The following NMRK2 variants were observed in gnomAD, a reference collection of about 807,000 sequenced individuals.
The protein encoded by NMRK2 is nicotinamide riboside kinase 2.
A neutral mutation model predicts 24.7 loss-of-function variants in NMRK2; 34 were observed. That is an observed-to-expected ratio of 1.37 (90% CI 1.05 to 1.83). NMRK2 has a LOEUF of 1.83. NMRK2 is among the 40% of genes most tolerant of loss of function. The probability of loss-of-function intolerance (pLI) is 0.00; values close to 1 mark genes in which losing one functional copy is unlikely to be tolerated. For synonymous variants in NMRK2, 145 were observed against 125.6 expected, an observed-to-expected ratio of 1.15 and a Z score of -1.03; for missense variants, 341 against 315.0, an observed-to-expected ratio of 1.08 and a Z score of -0.62.
intron 6 of NMRK2, 133 bp downstream of exon 6, chr19:3,940,104 C>A: frequency 1.3e-6 from 1 of 754,114 alleles, no homozygotes; most frequent in East Asian, 2.8e-5. Context: ...CCCAGCACTT[C>A]CGGAGGCTGA....
chr19:3,937,153 C>T lies in NMRK2; in HGVS notation c.118-87C>T, dbSNP rs528069642. 8.7e-5 allele frequency: 119 copies of T among 1,371,558 alleles called. No homozygotes were observed. In the South Asian group the frequency reaches 1.3e-3, roughly 15 times the overall value. The allele number at this position is 1,371,558 out of a possible 1,614,324, so 85.0% of individuals were successfully genotyped here. On this transcript the variant is annotated intron_variant, in intron 3 of 7. Transcript: ENST00000168977. ...GCCTCAGGGACCTCAGCAGCTCCAG[C>T]AAGGGACCCCCTAAGACTCCATCAC...
Position 3,936,008 on chromosome 19 carries a change from C to T in NMRK2, c.27-567C>T, listed in dbSNP as rs576175932. Among the ~76,000 whole-genome samples, 251 of 152,144 alleles carry T rather than the reference C, an allele frequency of 1.6e-3. 1 individual carries two copies. Among genetic ancestry groups the T allele is most frequent in the South Asian group, 4.4e-3 (21 of 4,826 alleles). On this transcript the variant is annotated intron_variant, in intron 2 of 7. Transcript: ENST00000168977. ...GGCGGATCACCAGAGGTTAGGAGTT[C>T]GAGACCAGCCTGGCCGACATGGCAA...
At position 3,938,844 on chromosome 19, in the gene NMRK2, GTTTTGTTTTT is replaced by G. The variant is rs2039273470; in HGVS notation, c.323+90_323+99del. On this transcript the variant is annotated intron_variant, in intron 5 of 7. Transcript: ENST00000168977. ...CTTGTTTTTTTTTTTTTTTTTTTTT[GTTTTGTTTTT>G]TTTTTTTTTTGAGACAAGAGTTTTG... 9.7e-5 allele frequency: 17 copies of G among 174,630 alleles called. 1 individual carries two copies. Among genetic ancestry groups the G allele is most frequent in the African/African-American group, 9.0e-4 (17 of 18,790 alleles). The allele number at this position is 174,630 out of a possible 1,614,324, so 10.8% of individuals were successfully genotyped here.
chr19:3,938,833 T>TG lies in NMRK2; in HGVS notation c.323+74_323+75insG, dbSNP rs2039270569. On this transcript the variant is annotated intron_variant, in intron 5 of 7. Transcript: ENST00000168977. ...TATAGCCATCTCTTGTTTTTTTTTTTTTTTTTTTTTGTTTTGTTTTTTTTT... is the reference window on the plus strand; with the variant it reads ...TATAGCCATCTCTTGTTTTTTTTTTTGTTTTTTTTTTGTTTTGTTTTTTTTT... 41 of 605,814 alleles carry TG rather than the reference T, an allele frequency of 6.8e-5. No homozygotes were observed. The South Asian group carries it at 7.2e-4, about 11-fold the overall frequency. 37.5% of individuals were successfully genotyped at this position (605,814 alleles called of 1,614,324 possible).
At chr19:3,938,493 G>T in intron 4 of NMRK2, 110 bp from the exon 5 acceptor site, 1 of 827,262 alleles carries the variant, frequency 1.2e-6, no homozygotes, top group South Asian at 2.9e-5. Context: ...CTCCTGCAAT[G>T]CCCGCTCCCC....
Position 3,938,702 on chromosome 19 carries a change from C to T in NMRK2, c.266C>T (p.Pro89Leu), listed in dbSNP as rs1384635610. The change falls in exon 5 of 8, where the codon CCA (proline) becomes CTA (leucine). Residue 89 changes from proline (P) to leucine (L), a missense_variant. Transcript: ENST00000168977. The stretch of plus-strand genomic sequence containing the variant: ...CGTGCCCACGGGGTCAGCGTCCAGC[C>T]AGAGGCCTCGGACACCCACATCCTC... ...FARAHGVSVQ[P>L]EASDTHILLL... 6.2e-7 allele frequency: 1 copy of T among 1,612,498 alleles called. No individual in the cohort carries two copies. The highest frequency in any genetic ancestry group is 1.7e-5 in the Admixed American group (1 of 59,910).
intron 5 of NMRK2, 63 bp downstream of exon 5, chr19:3,938,822 G>GTTTTTTTTTTTTTTTTT (rs1178177619): frequency 9.3e-5 from 17 of 183,662 alleles, no homozygotes; most frequent in Non-Finnish European, 1.1e-4. Context: ...GCCATCTCTT[G>GTTTTTTTTTTTTTTTTT]TTTTTTTTTT....
In NMRK2 at chr19:3,936,817, A is replaced by C. The variant is rs1408785289; in HGVS notation, c.117+152A>C. 9.5e-6 allele frequency: 6 copies of C among 633,630 alleles called. No homozygotes were observed. The African/African-American group carries it at 1.1e-4, about 12-fold the overall frequency. 39.3% of individuals were successfully genotyped at this position (633,630 alleles called of 1,614,324 possible). A position where few individuals can be genotyped will look rare whatever the true frequency, so the allele number is the denominator to read the frequency against. On this transcript the variant is annotated intron_variant, in intron 3 of 7. Coordinates refer to ENST00000168977, the MANE Select transcript of NMRK2 (RefSeq NM_170678.3). ...ACCCCTCCTGGGGTCTCTGGGATAA[A>C]CTGGGCCAGGAAAGTGAGGGACGGG...
intron 7 of NMRK2, among the ~76,000 whole-genome samples, chr19:3,941,831 T>TG (rs1315165971): frequency 6.6e-6 from 1 of 150,922 alleles, no homozygotes; most frequent in Non-Finnish European, 1.5e-5. Flanking sequence ...TTAGTAGAGA[T>TG]GGGGTTTCAC....
intron 7 of NMRK2, 72 bp from the exon 8 acceptor site, chr19:3,942,011 G>A: frequency 7.8e-7 from 1 of 1,281,672 alleles, no homozygotes; most frequent in Non-Finnish European, 1.1e-6. Context: ...TCCTGACCCA[G>A]CCGTCCACTC....
intron 4 of NMRK2, among the ~76,000 whole-genome samples, chr19:3,938,014 C>T (rs1235072679): frequency 2.2e-5 from 3 of 137,548 alleles, no homozygotes; most frequent in South Asian, 2.3e-4. Flanking sequence ...ACTGTCCCCC[C>T]GGGGTCTGCC....
At chr19:3,934,301 C>G (rs2039173503) in intron 2 of NMRK2, among the ~76,000 whole-genome samples, 1 of 152,116 alleles carries the variant, frequency 6.6e-6, no homozygotes, top group South Asian at 2.1e-4. Flanking sequence ...GAACCCTCCT[C>G]CCGCCTCGTG....
intron 2 of NMRK2, 105 bp downstream of exon 2, chr19:3,933,802 C>A: frequency 8.8e-7 from 1 of 1,141,596 alleles, no homozygotes; most frequent in South Asian, 2.1e-5. Flanking sequence ...CGCCTGAGGT[C>A]ACCTACACGC....
intron 2 of NMRK2, among the ~76,000 whole-genome samples, chr19:3,934,105 G>A (rs1483357688): frequency 6.6e-6 from 1 of 152,078 alleles, no homozygotes; most frequent in Non-Finnish European, 1.5e-5. Context: ...AAAATTAGCT[G>A]GGCACGGTGG....
chr19:3,933,730 C>T (rs976044463), intron 2 of NMRK2, 33 bp downstream of exon 2: 15 of 1,398,540 alleles, frequency 1.1e-5, no homozygotes, highest in Non-Finnish European at 1.4e-5. Flanking sequence ...GGCGGCCCTG[C>T]GGGGCAAAGC....
Position 3,939,949 on chromosome 19 carries a change from G to A in NMRK2, c.373G>A (p.Glu125Lys), listed in dbSNP as rs570369559. ...CCGGTACTTCCTGACCGTCCCGTATGAAGAGTGCAAGTGGAGGAGAAGGTG... is the reference window on the plus strand; with the variant it reads ...CCGGTACTTCCTGACCGTCCCGTATAAAGAGTGCAAGTGGAGGAGAAGGTG... ...SRRYFLTVPY[E>K]ECKWRRSTRN... Residue 125 changes from glutamate to lysine, a missense_variant, in exon 6 of 8, where the codon GAA (glutamate) becomes AAA (lysine). Glu to Lys is a moderately conservative substitution (Grantham distance 56). Transcript: ENST00000168977. 3.1e-6 allele frequency: 5 copies of A among 1,612,248 alleles called. No homozygotes were observed. In the African/African-American group the frequency reaches 4.0e-5, roughly 13 times the overall value.
chr19:3,936,382 TG>T, intron 2 of NMRK2, among the ~76,000 whole-genome samples, 192 bp from the exon 3 acceptor site: 1 of 151,834 alleles, frequency 6.6e-6, no homozygotes, highest in South Asian at 2.1e-4. Flanking sequence ...CACTCCAGCC[TG>T]GGTGGCAGAG....
intron 2 of NMRK2, 98 bp downstream of exon 2, chr19:3,933,795 C>G: frequency 8.3e-7 from 1 of 1,207,646 alleles, no homozygotes. Context: ...TGCCTGGCGC[C>G]TGAGGTCACC....
chr19:3,936,847 G>T (rs1051592368), intron 3 of NMRK2, among the ~76,000 whole-genome samples, 182 bp downstream of exon 3: 1 of 152,146 alleles, frequency 6.6e-6, no homozygotes, highest in Non-Finnish European at 1.5e-5. Context: ...GACGGGTGTC[G>T]TGTTCCCATT....
Sources: gnomAD v4.1 joint callset for allele counts (sites outside exome capture counted in the v4.1 genomes callset) on GRCh38, gnomAD v4.1.1 for gene constraint, MANE v1.5 for transcripts, NCBI Gene and HGNC (gene_info 2026-07-23, HGNC 2026-07-21) for gene names.